DLG2: variants seen among roughly 807,000 people sequenced by gnomAD.
DLG2 encodes the protein disks large homolog 2.
DLG2 carries 45 observed loss-of-function variants against 132.5 expected under a neutral mutation model. The ratio of observed to expected loss-of-function variants is 0.34; its 90% CI spans 0.27 to 0.44. The LOEUF (loss-of-function observed/expected upper bound fraction) is 0.44. Ranked by LOEUF, DLG2 falls within the 20% of genes least tolerant of loss-of-function variation. DLG2 has a pLI of 1.00. For missense variants in DLG2, 1,045 were observed against 1,196.9 expected (o/e 0.87, Z 1.87); for synonymous variants, 424 against 419.6 (o/e 1.01, Z -0.13).
At chr11:84,920,781 T>A (rs905621636) in intron 6 of DLG2, among the ~76,000 whole-genome samples, 1 of 152,154 alleles carries the variant, frequency 6.6e-6, no homozygotes, top group Non-Finnish European at 1.5e-5. Flanking sequence ...ATATGAAATA[T>A]CTTAAAACAT....
chr11:83,501,625 A>C (rs1191604436), intron 21 of DLG2, among the ~76,000 whole-genome samples: 27 of 152,194 alleles, frequency 1.8e-4, no homozygotes, highest in Admixed American at 1.8e-3. Context: ...GTCAAGCTAA[A>C]AGATAAATTC....
chr11:84,830,937 GTCTC>G (rs927625461), intron 6 of DLG2, among the ~76,000 whole-genome samples: 4 of 145,570 alleles, frequency 2.7e-5, no homozygotes, highest in African/African-American at 5.0e-5. Flanking sequence ...AAAGGAAGCA[GTCTC>G]TCTCTCTCCT....
chr11:83,547,202 T>A (rs1440235401), intron 19 of DLG2, among the ~76,000 whole-genome samples: 2 of 152,124 alleles, frequency 1.3e-5, no homozygotes, highest in East Asian at 3.8e-4. Context: ...AAAGACAGTA[T>A]CACTAAGAAT....
chr11:84,943,728 G>T (rs1264697134), intron 6 of DLG2, among the ~76,000 whole-genome samples: 2 of 151,918 alleles, frequency 1.3e-5, no homozygotes, highest in African/African-American at 4.8e-5. Flanking sequence ...TGTCATTTTT[G>T]ATAGCTTTGT....
At chr11:85,140,253 G>T (rs1246065034) in intron 5 of DLG2, among the ~76,000 whole-genome samples, 5 of 151,836 alleles carry the variant, frequency 3.3e-5, no homozygotes, top group Non-Finnish European at 7.4e-5. Flanking sequence ...TTCCATAATG[G>T]CTGTACCAAT....
chr11:83,562,089 A>G (rs2142917654), intron 19 of DLG2, among the ~76,000 whole-genome samples: 1 of 151,908 alleles, frequency 6.6e-6, no homozygotes, highest in Middle Eastern at 3.4e-3. Context: ...GGGTTTCACC[A>G]TGTTGGCCAG....
intron 6 of DLG2, among the ~76,000 whole-genome samples, chr11:84,839,144 G>A (rs929986359): frequency 2.6e-5 from 4 of 152,068 alleles, no homozygotes; most frequent in Non-Finnish European, 5.9e-5. Flanking sequence ...CTTCAGCAAA[G>A]TCTCAGGATA....
intron 15 of DLG2, among the ~76,000 whole-genome samples, chr11:83,888,377 G>T (rs2068599676): frequency 6.6e-6 from 1 of 151,934 alleles, no homozygotes; most frequent in Non-Finnish European, 1.5e-5. Flanking sequence ...AAAATACCTA[G>T]GAATCCCACT....
intron 6 of DLG2, among the ~76,000 whole-genome samples, chr11:84,537,663 C>T (rs1049925770): frequency 2.0e-5 from 3 of 152,154 alleles, no homozygotes; most frequent in African/African-American, 7.2e-5. Context: ...TCTTGTCATG[C>T]TATATGGTTG....
At chr11:85,165,663 T>C (rs2078385485) in intron 4 of DLG2, among the ~76,000 whole-genome samples, 2 of 152,322 alleles carry the variant, frequency 1.3e-5, no homozygotes, top group East Asian at 1.9e-4. Flanking sequence ...GAATGCTTCC[T>C]GATTTCAACA....
At chr11:84,186,950 C>A (rs755135109) in intron 8 of DLG2, among the ~76,000 whole-genome samples, 4 of 151,858 alleles carry the variant, frequency 2.6e-5, no homozygotes, top group Non-Finnish European at 4.4e-5. Context: ...AATATGTATG[C>A]ACCCCTCAGT....
chr11:85,611,473 T>A (rs2080995498), intron 2 of DLG2, among the ~76,000 whole-genome samples: 1 of 152,200 alleles, frequency 6.6e-6, no homozygotes. Context: ...TCCAAACTTA[T>A]GCCGCCCGAG....
At chr11:85,262,391 T>A (rs776105865) in intron 4 of DLG2, among the ~76,000 whole-genome samples, 1 of 151,854 alleles carries the variant, frequency 6.6e-6, no homozygotes, top group East Asian at 1.9e-4. Context: ...CCTTGAAGCA[T>A]GAAACATAAT....
intron 3 of DLG2, among the ~76,000 whole-genome samples, chr11:85,354,295 TTAAG>T (rs2083522791): frequency 6.6e-6 from 1 of 152,114 alleles, no homozygotes. Context: ...AAAAAATGAT[TTAAG>T]TATTTATTGT....
chr11:83,707,119 G>A (rs759712304), intron 18 of DLG2, among the ~76,000 whole-genome samples: 1 of 152,086 alleles, frequency 6.6e-6, no homozygotes, highest in Non-Finnish European at 1.5e-5. Context: ...GAACTAAGTG[G>A]TCTGCCTGAG....
At chr11:84,833,175 T>A (rs564595632) in intron 6 of DLG2, among the ~76,000 whole-genome samples, 2 of 151,690 alleles carry the variant, frequency 1.3e-5, no homozygotes, top group African/African-American at 4.8e-5. Context: ...GAAATTATCA[T>A]TGATTTTCCT....
At chr11:83,887,434 C>T (rs1373630928) in intron 15 of DLG2, among the ~76,000 whole-genome samples, 14 of 151,888 alleles carry the variant, frequency 9.2e-5, no homozygotes, top group Middle Eastern at 3.2e-3. Context: ...CAATAACAGG[C>T]TCTGAAATTG....
intron 6 of DLG2, among the ~76,000 whole-genome samples, chr11:84,824,041 T>C (rs946477100): frequency 3.9e-5 from 6 of 151,910 alleles, no homozygotes; most frequent in African/African-American, 1.2e-4. Context: ...ACTAACAAAC[T>C]GGCATTGGGG....
At chr11:84,250,507 T>A (rs2097357678) in intron 8 of DLG2, among the ~76,000 whole-genome samples, 1 of 152,220 alleles carries the variant, frequency 6.6e-6, no homozygotes, top group Non-Finnish European at 1.5e-5. Flanking sequence ...CTAGCATGCA[T>A]CTGTGGCTAT....
Sources: gnomAD v4.1 joint callset for allele counts (sites outside exome capture counted in the v4.1 genomes callset) on GRCh38, gnomAD v4.1.1 for gene constraint, MANE v1.5 for transcripts, NCBI Gene and HGNC (gene_info 2026-07-23, HGNC 2026-07-21) for gene names.